GLMN: variants seen among roughly 807,000 people sequenced by gnomAD.
The protein encoded by GLMN is glomulin, FKBP associated protein.
GLMN carries 75 observed loss-of-function variants against 87.8 expected under a neutral mutation model. The ratio of observed to expected loss-of-function variants is 0.85; its 90% CI spans 0.71 to 1.04. The LOEUF (loss-of-function observed/expected upper bound fraction) is 1.04, where lower values mean the gene tolerates loss of function less well. GLMN is among the 50% of genes least tolerant of loss of function. The probability of loss-of-function intolerance (pLI) is 0.00; values close to 1 mark genes in which losing one functional copy is unlikely to be tolerated. For synonymous variants in GLMN, 206 were observed against 221.6 expected (o/e 0.93, Z 0.63); for missense variants, 588 against 658.8 (o/e 0.89, Z 1.18).
the GLMN span, among the ~76,000 whole-genome samples, chr1:92,307,902 T>C: frequency 6.6e-6 from 1 of 152,122 alleles, no homozygotes; most frequent in Non-Finnish European, 1.5e-5. Flanking sequence ...TTAAACTGTA[T>C]TGCCTAGAAA....
chr1:92,322,283 G>T, the GLMN span, among the ~76,000 whole-genome samples: 2 of 150,750 alleles, frequency 1.3e-5, no homozygotes, highest in African/African-American at 4.9e-5. Flanking sequence ...AAAAAGGTCA[G>T]CCAGTAATCC....
the GLMN span, chr1:92,323,361 T>C: frequency 2.1e-6 from 2 of 935,642 alleles, no homozygotes; most frequent in South Asian, 1.8e-5. Flanking sequence ...GTATAAATAC[T>C]ATGGGGTACT....
chr1:92,367,455 G>A, the GLMN span, among the ~76,000 whole-genome samples: 1 of 152,192 alleles, frequency 6.6e-6, no homozygotes, highest in Admixed American at 6.5e-5. Context: ...CACATTGAAG[G>A]TATGGCTGTT....
At chr1:92,246,969 GC>G (rs1308124724) in intron 18 of GLMN, 92 bp downstream of exon 18, 5 of 782,204 alleles carry the variant, frequency 6.4e-6, no homozygotes, top group Non-Finnish European at 1.1e-5. Flanking sequence ...GCTGCAGTGA[GC>G]CACAATCATG....
chr1:92,345,519 TTATGAG>T, the GLMN span, among the ~76,000 whole-genome samples: 2 of 151,214 alleles, frequency 1.3e-5, no homozygotes, highest in Non-Finnish European at 2.9e-5. Flanking sequence ...ATAGAGAATA[TTATGAG>T]TATGTTTGTT....
chr1:92,366,559 T>G, the GLMN span, among the ~76,000 whole-genome samples: 1 of 152,182 alleles, frequency 6.6e-6, no homozygotes, highest in Non-Finnish European at 1.5e-5. Flanking sequence ...AGGGGCCACA[T>G]GTGAGACAGA....
At chr1:92,266,650 A>C (rs2100894808) in intron 12 of GLMN, 50 bp downstream of exon 12, 1 of 1,360,540 alleles carries the variant, frequency 7.4e-7, no homozygotes, top group Non-Finnish European at 1.0e-6. Flanking sequence ...TTATTTGTCA[A>C]ATTTTCTCAC....
At chr1:92,300,932 T>C (rs921501907), upstream of GLMN, among the ~76,000 whole-genome samples, 2 of 152,188 alleles carry the variant, frequency 1.3e-5, no homozygotes, top group African/African-American at 2.4e-5. Flanking sequence ...CATAAACAAA[T>C]ACATAATTAC....
chr1:92,334,650 C>G, the GLMN span, among the ~76,000 whole-genome samples: 1 of 151,838 alleles, frequency 6.6e-6, no homozygotes, highest in African/African-American at 2.4e-5. Flanking sequence ...GAGTTCAAGA[C>G]CAGCCTGGGC....
rs148040252 is a variant in GLMN, at chr1:92,284,086, C to T, written c.735+2404G>A. 2.5e-3 allele frequency among the ~76,000 whole-genome samples: 384 copies of T among 152,290 alleles called. 3 individuals carry two copies. The highest frequency in any genetic ancestry group is 9.1e-3 in the South Asian group (44 of 4,820). On this transcript the variant is annotated intron_variant, in intron 7 of 18. Coordinates refer to ENST00000370360, the MANE Select transcript of GLMN (RefSeq NM_053274.3). Reference sequence around the variant, plus strand: ...ATTCAATGCTATCCCCATCAAGCTACCACTGACTTTCTTCACAGAATTGGA... The same window carrying T: ...ATTCAATGCTATCCCCATCAAGCTATCACTGACTTTCTTCACAGAATTGGA...
the GLMN span, among the ~76,000 whole-genome samples, chr1:92,311,590 A>G: frequency 1.3e-5 from 2 of 152,224 alleles, no homozygotes; most frequent in South Asian, 2.1e-4. Context: ...TGAGGATGCC[A>G]TGACCTTACA....
At chr1:92,339,666 G>A in the GLMN span, among the ~76,000 whole-genome samples, 700 of 151,290 alleles carry the variant, frequency 4.6e-3, 3 homozygotes, top group African/African-American at 0.016. Context: ...TTATTTTTCC[G>A]CCATAGAATT....
Position 92,279,541 on chromosome 1 carries a change from G to A in GLMN, c.735+6949C>T, listed in dbSNP as rs564650617. 9.3e-5 allele frequency among the ~76,000 whole-genome samples: 14 copies of A among 150,884 alleles called. No homozygotes were observed. In the South Asian group the frequency reaches 3.0e-3, roughly 32 times the overall value. Reference sequence around the variant, plus strand: ...GTCTGCAGCTCCCAGCGAGATCGACGCAGAAGACCAGTGATTTCTGCATTT... The same window carrying A: ...GTCTGCAGCTCCCAGCGAGATCGACACAGAAGACCAGTGATTTCTGCATTT... On this transcript the variant is annotated intron_variant, in intron 7 of 18. Transcript: ENST00000370360.
At chr1:92,273,477 C>T (rs1471087376) in intron 7 of GLMN, among the ~76,000 whole-genome samples, 3 of 139,388 alleles carry the variant, frequency 2.2e-5, no homozygotes, top group Non-Finnish European at 4.6e-5. Flanking sequence ...CAAGGTCTCA[C>T]TCTGTCACTC....
At chr1:92,326,598 G>A in the GLMN span, among the ~76,000 whole-genome samples, 372 of 152,294 alleles carry the variant, frequency 2.4e-3, 1 homozygote, top group African/African-American at 8.3e-3. Flanking sequence ...GGCTATGTGC[G>A]TCTGAACTCA....
chr1:92,274,573 C>A (rs774668131), intron 7 of GLMN, among the ~76,000 whole-genome samples: 23 of 152,114 alleles, frequency 1.5e-4, no homozygotes, highest in Non-Finnish European at 2.9e-4. Context: ...ATGGAGATAA[C>A]CCCTATAACA....
chr1:92,255,421 A>G (rs1213953424), intron 16 of GLMN, among the ~76,000 whole-genome samples: 1 of 152,182 alleles, frequency 6.6e-6, no homozygotes, highest in Non-Finnish European at 1.5e-5. Context: ...ACAGACATCT[A>G]CAGAACTCTC....
chr1:92,333,797 G>T, the GLMN span, among the ~76,000 whole-genome samples: 1 of 152,152 alleles, frequency 6.6e-6, no homozygotes, highest in Non-Finnish European at 1.5e-5. Context: ...ATACTGATTT[G>T]CGGTAAATGT....
chr1:92,343,167 G>A, the GLMN span, among the ~76,000 whole-genome samples: 1 of 152,194 alleles, frequency 6.6e-6, no homozygotes, highest in Non-Finnish European at 1.5e-5. Context: ...GCTCATGAGA[G>A]GTGGGGGAAC....
Sources: gnomAD v4.1 joint callset for allele counts (sites outside exome capture counted in the v4.1 genomes callset) on GRCh38, gnomAD v4.1.1 for gene constraint, MANE v1.5 for transcripts, NCBI Gene and HGNC (gene_info 2026-07-23, HGNC 2026-07-21) for gene names.